The following TRAPPC9 variants were observed in gnomAD, a reference collection of about 807,000 sequenced individuals.
TRAPPC9 encodes the protein IKK2 binding protein.
Under a neutral mutation model 124.0 loss-of-function variants are expected in TRAPPC9, and 83 were observed. That is an observed-to-expected ratio of 0.67 (90% CI 0.56 to 0.80). The LOEUF is 0.80. TRAPPC9 is among the 30% of genes least tolerant of loss of function. TRAPPC9 has a pLI of 0.00. For synonymous variants in TRAPPC9, 638 were observed against 617.5 expected, an observed-to-expected ratio of 1.03 and a Z score of -0.49; for missense variants, 1,302 against 1,508.3, an observed-to-expected ratio of 0.86 and a Z score of 2.27.
chr8:140,168,576 C>T (rs1006591563), intron 17 of TRAPPC9, among the ~76,000 whole-genome samples: 3 of 152,178 alleles, frequency 2.0e-5, no homozygotes, highest in Non-Finnish European at 4.4e-5. Flanking sequence ...GCTGCTAGCA[C>T]GAGTTAGGAG....
In TRAPPC9 at chr8:140,241,506, C is replaced by A. The variant is rs979862283; in HGVS notation, c.2431+11271G>T. The stretch of plus-strand genomic sequence containing the variant: ...GGTGAAGGGATCAAGACTATCCTGG[C>A]CAACATGGTGAAACCCTGTCTCTAC... On this transcript the variant is annotated intron_variant, in intron 16 of 22. Transcript: ENST00000438773. The surrounding 1 kb of genome is among the most constrained non-coding windows in gnomAD (Gnocchi z 5.0). 6.6e-6 allele frequency among the ~76,000 whole-genome samples: 1 copy of A among 151,804 alleles called. No individual in the cohort carries two copies. The highest frequency in any genetic ancestry group is 1.5e-5 in the Non-Finnish European group (1 of 67,972).
intron 19 of TRAPPC9, among the ~76,000 whole-genome samples, chr8:139,975,059 C>G (rs916456669): frequency 6.6e-6 from 1 of 152,164 alleles, no homozygotes; most frequent in African/African-American, 2.4e-5. Context: ...GCTCACTCTC[C>G]AGGCTGGAAA....
intron 17 of TRAPPC9, among the ~76,000 whole-genome samples, chr8:140,170,245 T>C (rs778183959): frequency 2.6e-5 from 4 of 152,158 alleles, no homozygotes; most frequent in Non-Finnish European, 5.9e-5. Context: ...AGAGCCATGA[T>C]CTCTAATTTC....
chr8:140,147,613 T>A (rs2061482418), intron 17 of TRAPPC9, among the ~76,000 whole-genome samples: 1 of 152,214 alleles, frequency 6.6e-6, no homozygotes, highest in South Asian at 2.1e-4. Context: ...GCAACATGAT[T>A]ACAGTTATGT....
intron 19 of TRAPPC9, among the ~76,000 whole-genome samples, chr8:139,940,482 T>A (rs535366899): frequency 2.6e-5 from 4 of 152,274 alleles, no homozygotes; most frequent in Non-Finnish European, 4.4e-5. Flanking sequence ...TTTTAAAAAT[T>A]GAAAAGCAAA....
At chr8:140,320,999 TA>T (rs2066576972) in intron 9 of TRAPPC9, among the ~76,000 whole-genome samples, 1 of 152,158 alleles carries the variant, frequency 6.6e-6, no homozygotes, top group South Asian at 2.1e-4. Context: ...ATCAGTAACT[TA>T]AAGAGCCAGA....
chr8:139,728,321 C>T lies in TRAPPC9; in HGVS notation c.*2740G>A, dbSNP rs1009347893. On this transcript the variant is annotated 3_prime_UTR_variant, in exon 23 of 23. Coordinates refer to ENST00000438773, the MANE Select transcript of TRAPPC9 (RefSeq NM_001160372.4). ...AAGGATCAGAAGGGCAGAACCAACTCGCTCAGCTAGTGAAGTGCAATGGAC... is the reference window on the plus strand; with the variant it reads ...AAGGATCAGAAGGGCAGAACCAACTTGCTCAGCTAGTGAAGTGCAATGGAC... Among the ~76,000 whole-genome samples, 1 of 152,216 alleles carries T rather than the reference C, an allele frequency of 6.6e-6. No homozygotes were observed. The highest frequency in any genetic ancestry group is 1.9e-4 in the East Asian group (1 of 5,200).
At chr8:139,948,689 C>T (rs573321122) in intron 19 of TRAPPC9, among the ~76,000 whole-genome samples, 147 of 152,296 alleles carry the variant, frequency 9.7e-4, no homozygotes, top group African/African-American at 3.4e-3. Context: ...AGGATTGGGG[C>T]TAGGAGCCAG....
At chr8:140,443,394 C>G in intron 2 of TRAPPC9, among the ~76,000 whole-genome samples, 1 of 151,488 alleles carries the variant, frequency 6.6e-6, no homozygotes, top group Non-Finnish European at 1.5e-5. Context: ...CAAGATCGCG[C>G]CACTGCACTC....
Position 140,297,384 on chromosome 8 carries a change from CATGCATACACACATACAG to C in TRAPPC9, c.1768+3067_1768+3084del, listed in dbSNP as rs1436402420. 5.6e-4 allele frequency among the ~76,000 whole-genome samples: 76 copies of C among 135,700 alleles called. 1 individual carries two copies. The South Asian group carries it at 0.017, about 31-fold the overall frequency. The allele number at this position is 135,700 out of a possible 152,430, so 89.0% of individuals were successfully genotyped here. Reference sequence around the variant, plus strand: ...CATACACGCATACACACAATATACACATGCATACACACATACAGATGCATACACATATACACACGCATA... The same window carrying C: ...CATACACGCATACACACAATATACACATGCATACACATATACACACGCATA... On this transcript the variant is annotated intron_variant, in intron 11 of 22. Transcript: ENST00000438773.
intron 17 of TRAPPC9, among the ~76,000 whole-genome samples, chr8:140,155,599 G>A (rs935050060): frequency 6.6e-6 from 1 of 152,190 alleles, no homozygotes; most frequent in Non-Finnish European, 1.5e-5. Context: ...CGGGCTCTAA[G>A]AAATCTCTTT....
chr8:140,170,597 T>C (rs974667599), intron 17 of TRAPPC9, among the ~76,000 whole-genome samples: 12 of 152,266 alleles, frequency 7.9e-5, no homozygotes, highest in Admixed American at 6.5e-4. Flanking sequence ...TATAACAGAA[T>C]GAGCTACAGA....
intron 17 of TRAPPC9, among the ~76,000 whole-genome samples, chr8:140,057,204 G>A (rs1842338076): frequency 6.6e-6 from 1 of 152,244 alleles, no homozygotes; most frequent in African/African-American, 2.4e-5. Context: ...TAGTGAGGAT[G>A]TGGAGAAATT....
At chr8:139,987,852 C>G (rs1397851704) in intron 19 of TRAPPC9, among the ~76,000 whole-genome samples, 3 of 152,148 alleles carry the variant, frequency 2.0e-5, no homozygotes, top group African/African-American at 7.2e-5. Context: ...CGGGCAAGCC[C>G]TGGCCTCGCT....
At chr8:139,951,288 A>C (rs1235341868) in intron 19 of TRAPPC9, among the ~76,000 whole-genome samples, 1 of 152,234 alleles carries the variant, frequency 6.6e-6, no homozygotes, top group Non-Finnish European at 1.5e-5. Flanking sequence ...TTAGCACACG[A>C]GTCAGGCCAG....
chr8:140,180,601 G>T (rs2062178622), intron 17 of TRAPPC9, among the ~76,000 whole-genome samples: 1 of 151,698 alleles, frequency 6.6e-6, no homozygotes, highest in African/African-American at 2.4e-5. Flanking sequence ...TTCTGGAGAG[G>T]AATTCTCTCA....
chr8:140,362,593 C>G (rs1157484527), intron 8 of TRAPPC9, among the ~76,000 whole-genome samples: 1 of 152,122 alleles, frequency 6.6e-6, no homozygotes, highest in African/African-American at 2.4e-5. Flanking sequence ...TTCCCGACAT[C>G]TTTTGGAATA....
At chr8:140,393,032 T>TTTTA (rs1554679810) in intron 7 of TRAPPC9, among the ~76,000 whole-genome samples, 5 of 138,022 alleles carry the variant, frequency 3.6e-5, no homozygotes, top group Non-Finnish European at 6.2e-5. Context: ...TCCCATTTTA[T>TTTTA]TTTTATTTTA....
At chr8:140,240,395 AC>A (rs771299726) in intron 16 of TRAPPC9, among the ~76,000 whole-genome samples, 2 of 151,088 alleles carry the variant, frequency 1.3e-5, no homozygotes, top group African/African-American at 4.9e-5. Context: ...GAGAATTCTG[AC>A]CCCCCCAGGC....
Sources: gnomAD v4.1 joint callset for allele counts (sites outside exome capture counted in the v4.1 genomes callset) on GRCh38, gnomAD v4.1.1 for gene constraint, Gnocchi (gnomAD v3.1) non-coding constraint, MANE v1.5 for transcripts, NCBI Gene and HGNC (gene_info 2026-07-23, HGNC 2026-07-21) for gene names.